WWTR1: variants seen among roughly 807,000 people sequenced by gnomAD.
WWTR1 encodes the protein WW domain-containing transcription regulator protein 1.
A neutral mutation model predicts 40.1 loss-of-function variants in WWTR1; 13 were observed. That is an observed-to-expected ratio of 0.32 (90% CI 0.21 to 0.52). The LOEUF is 0.52. WWTR1 is among the 20% of genes least tolerant of loss of function. The pLI, the probability that WWTR1 is intolerant of heterozygous loss-of-function variation, is 0.97. For missense variants in WWTR1, 436 were observed against 523.1 expected (o/e 0.83, Z 1.63); for synonymous variants, 230 against 210.1 (o/e 1.09, Z -0.82).
chr3:149,546,630 T>A (rs970186225), intron 3 of WWTR1, among the ~76,000 whole-genome samples: 5 of 152,234 alleles, frequency 3.3e-5, no homozygotes, highest in Admixed American at 3.3e-4. Context: ...TGTACTATTT[T>A]AAGTTTTCCC....
intron 1 of WWTR1, among the ~76,000 whole-genome samples, chr3:149,697,985 TGAAG>T (rs1715045646): frequency 6.6e-6 from 1 of 152,238 alleles, no homozygotes; most frequent in Non-Finnish European, 1.5e-5. Flanking sequence ...CATCCTGATG[TGAAG>T]GATAGGCTTC....
At chr3:149,653,065 C>A (rs955117110) in intron 2 of WWTR1, among the ~76,000 whole-genome samples, 1 of 152,092 alleles carries the variant, frequency 6.6e-6, no homozygotes, top group Admixed American at 6.6e-5. Flanking sequence ...GACGTGGCAG[C>A]CAAATGTTAT....
intron 5 of WWTR1, among the ~76,000 whole-genome samples, chr3:149,714,037 G>A (rs917031274): frequency 6.6e-6 from 1 of 152,336 alleles, no homozygotes; most frequent in Admixed American, 6.5e-5. Context: ...TCTGGCAGCC[G>A]CCGTGATGGG....
At chr3:149,603,854 C>CA (rs370980729) in intron 2 of WWTR1, among the ~76,000 whole-genome samples, 36,370 of 83,094 alleles carry the variant, frequency 0.44, 8,988 homozygotes, top group Non-Finnish European at 0.6. Flanking sequence ...AGCGGCATAC[C>CA]AAAAAAAAAA....
chr3:149,574,895 G>A (rs1560067639), intron 2 of WWTR1, among the ~76,000 whole-genome samples: 2 of 151,672 alleles, frequency 1.3e-5, no homozygotes, highest in African/African-American at 2.4e-5. Context: ...AAGAGTTCGA[G>A]ACCAGCCTGG....
At chr3:149,549,706 G>T (rs1387979193) in intron 3 of WWTR1, among the ~76,000 whole-genome samples, 17 of 152,142 alleles carry the variant, frequency 1.1e-4, no homozygotes, top group Admixed American at 1.1e-3. Flanking sequence ...GGGCATGGTG[G>T]CATGCATTCG....
At position 149,517,410 on chromosome 3, in the gene WWTR1, AAAAGTT is replaced by A. The variant is rs1461649322; in HGVS notation, c.*3389_*3394del. 6.6e-6 allele frequency: 1 copy of A among 152,268 alleles called. No individual in the cohort carries two copies. The highest frequency in any genetic ancestry group is 1.5e-5 in the Non-Finnish European group (1 of 68,048). 9.4% of individuals were successfully genotyped at this position (152,268 alleles called of 1,614,324 possible). On this transcript the variant is annotated 3_prime_UTR_variant, in exon 7 of 7. Coordinates refer to ENST00000360632, the MANE Select transcript of WWTR1 (RefSeq NM_015472.6). ...TACAAAACGTAGAAGTAAAATTTTA[AAAAGTT>A]AAAGTACTAGCACATATATGTGTTA...
upstream of WWTR1, among the ~76,000 whole-genome samples, chr3:149,706,019 C>T (rs905851182): frequency 1.3e-5 from 2 of 151,940 alleles, no homozygotes; most frequent in African/African-American, 2.4e-5. Flanking sequence ...TTTGAAACTC[C>T]GTCTCTACAA....
chr3:149,599,872 T>C (rs966858440), intron 2 of WWTR1, among the ~76,000 whole-genome samples: 6 of 152,218 alleles, frequency 3.9e-5, no homozygotes, highest in African/African-American at 1.2e-4. Context: ...AGGTATATAA[T>C]GGGCCCTTCA....
intron 2 of WWTR1, among the ~76,000 whole-genome samples, chr3:149,648,242 G>A (rs1013312744): frequency 1.3e-5 from 2 of 152,156 alleles, no homozygotes; most frequent in African/African-American, 4.8e-5. Flanking sequence ...CCATTTCCAA[G>A]CATGGAAGAC....
intron 1 of WWTR1, among the ~76,000 whole-genome samples, chr3:149,683,876 C>T (rs978420622): frequency 6.6e-6 from 1 of 151,994 alleles, no homozygotes; most frequent in East Asian, 1.9e-4. Context: ...GCTCCTGTTA[C>T]TGTAGTTTGA....
intron 4 of WWTR1, among the ~76,000 whole-genome samples, chr3:149,723,724 C>G (rs1272347710): frequency 6.6e-6 from 1 of 152,094 alleles, no homozygotes; most frequent in African/African-American, 2.4e-5. Context: ...AGGTGTTTGC[C>G]CTTTATATTC....
intron 2 of WWTR1, among the ~76,000 whole-genome samples, chr3:149,606,873 G>A (rs1739514380): frequency 6.6e-6 from 1 of 152,236 alleles, no homozygotes; most frequent in South Asian, 2.1e-4. Context: ...AAATGTGTGT[G>A]TGAAAGACCT....
intron 2 of WWTR1, among the ~76,000 whole-genome samples, chr3:149,622,487 AAGGAAGG>A (rs1576603429): frequency 5.9e-5 from 8 of 134,584 alleles, no homozygotes; most frequent in East Asian, 2.4e-4. Flanking sequence ...GGAAGGAAGG[AAGGAAGG>A]AAGGAAGGAA....
At chr3:149,582,049 C>G (rs1442978407) in intron 2 of WWTR1, among the ~76,000 whole-genome samples, 2 of 152,064 alleles carry the variant, frequency 1.3e-5, no homozygotes, top group Non-Finnish European at 2.9e-5. Context: ...TGTGAAGTGC[C>G]ACTTCCCAGA....
intron 4 of WWTR1, among the ~76,000 whole-genome samples, chr3:149,532,049 G>A (rs1309315774): frequency 6.6e-6 from 1 of 152,208 alleles, no homozygotes; most frequent in East Asian, 1.9e-4. Context: ...GTGGCCAGGA[G>A]CTAGATGCTT....
chr3:149,539,281 T>C (rs1221610380), intron 4 of WWTR1, among the ~76,000 whole-genome samples: 3 of 152,242 alleles, frequency 2.0e-5, no homozygotes, highest in African/African-American at 7.2e-5. Context: ...ATTCGTCGTA[T>C]CATTCAAGAA....
intron 2 of WWTR1, among the ~76,000 whole-genome samples, chr3:149,653,355 G>C (rs931398537): frequency 6.6e-6 from 1 of 152,192 alleles, no homozygotes; most frequent in Non-Finnish European, 1.5e-5. Flanking sequence ...AGATTGAGAG[G>C]ACAGCAGGAA....
At chr3:149,546,687 T>G (rs1736380084) in intron 3 of WWTR1, among the ~76,000 whole-genome samples, 1 of 152,218 alleles carries the variant, frequency 6.6e-6, no homozygotes, top group African/African-American at 2.4e-5. Context: ...AATAAAAATT[T>G]TAAAGCATAA....
Sources: allele counts gnomAD v4.1 joint callset (sites outside exome capture counted in the v4.1 genomes callset), GRCh38; gene constraint gnomAD v4.1.1; transcripts MANE v1.5; gene names NCBI Gene and HGNC (gene_info 2026-07-23, HGNC 2026-07-21).